GPHN: variants seen among roughly 807,000 people sequenced by gnomAD.
GPHN encodes the protein gephyrin.
In GPHN, 17 loss-of-function variants were observed where a neutral mutation model predicts 95.5. That is an observed-to-expected ratio of 0.18 (90% CI 0.12 to 0.27). The LOEUF (loss-of-function observed/expected upper bound fraction) is 0.27. GPHN is among the 10% of genes least tolerant of loss of function. GPHN has a pLI of 1.00. For synonymous variants in GPHN, 320 were observed against 322.5 expected, an observed-to-expected ratio of 0.99 and a Z score of 0.08; for missense variants, 660 against 978.1, an observed-to-expected ratio of 0.67 and a Z score of 4.34.
the GPHN span, among the ~76,000 whole-genome samples, chr14:67,527,133 G>C: frequency 6.6e-6 from 1 of 152,164 alleles, no homozygotes; most frequent in South Asian, 2.1e-4. Flanking sequence ...GCCCCGCAAG[G>C]GAACCCACAC....
At chr14:66,742,509 G>T (rs2072877143) in intron 2 of GPHN, among the ~76,000 whole-genome samples, 1 of 151,988 alleles carries the variant, frequency 6.6e-6, no homozygotes, top group African/African-American at 2.4e-5. Flanking sequence ...TTATTGTGTT[G>T]ATTTTTTTCA....
intron 21 of GPHN, among the ~76,000 whole-genome samples, chr14:67,171,742 G>A (rs1345589703): frequency 6.6e-6 from 1 of 152,098 alleles, no homozygotes; most frequent in African/African-American, 2.4e-5. Flanking sequence ...TGTATCCGTG[G>A]AGTAACAGAA....
Position 66,760,974 on chromosome 14 carries a change from G to A in GPHN, c.144-15490G>A, listed in dbSNP as rs181273044. The A allele has an allele frequency of 2.1e-5, 13 of 627,828 alleles. No homozygotes were observed. In the East Asian group the frequency reaches 5.1e-4, roughly 24 times the overall value. 38.9% of individuals were successfully genotyped at this position (627,828 alleles called of 1,614,324 possible). A position where few individuals can be genotyped will look rare whatever the true frequency, so the allele number is the denominator to read the frequency against. On this transcript the variant is annotated intron_variant, in intron 2 of 22. Transcript: ENST00000478722. Reference sequence around the variant, plus strand: ...AGGGAAGCAGTTGGAAGAGAAAATGGTATAGCAGTTACCAGAGGATGTGGA... The same window carrying A: ...AGGGAAGCAGTTGGAAGAGAAAATGATATAGCAGTTACCAGAGGATGTGGA...
At chr14:66,803,446 T>C (rs944257048) in intron 3 of GPHN, among the ~76,000 whole-genome samples, 33 of 152,172 alleles carry the variant, frequency 2.2e-4, no homozygotes, top group Non-Finnish European at 5.9e-5. Context: ...AGTTGTTAAA[T>C]TGGTGTACTT....
chr14:67,094,640 T>C (rs1230123965), intron 12 of GPHN, among the ~76,000 whole-genome samples: 2 of 152,266 alleles, frequency 1.3e-5, no homozygotes, highest in East Asian at 1.9e-4. Flanking sequence ...AGAATTCATC[T>C]TGAAAAACTG....
chr14:67,700,364 C>T, the GPHN span, among the ~76,000 whole-genome samples: 1 of 151,946 alleles, frequency 6.6e-6, no homozygotes, highest in African/African-American at 2.4e-5. Flanking sequence ...GGTTTTGTTC[C>T]AGAGCTTTAA....
the GPHN span, chr14:67,645,853 G>A: frequency 5.6e-6 from 9 of 1,597,462 alleles, no homozygotes; most frequent in Middle Eastern, 6.7e-4. Flanking sequence ...GGGTTTTGCT[G>A]GAGTTGGTCT....
At chr14:67,531,524 G>A in the GPHN span, among the ~76,000 whole-genome samples, 1 of 151,928 alleles carries the variant, frequency 6.6e-6, no homozygotes, top group Non-Finnish European at 1.5e-5. Flanking sequence ...AGTCTCTTCT[G>A]CCCTCTACAG....
chr14:66,641,806 G>A (rs576716616), intron 1 of GPHN, among the ~76,000 whole-genome samples: 46 of 152,122 alleles, frequency 3.0e-4, no homozygotes, highest in African/African-American at 9.4e-4. Context: ...GCCAAATAGG[G>A]GATATAGATC....
chr14:66,557,157 A>C (rs1447614436), intron 1 of GPHN, among the ~76,000 whole-genome samples: 2 of 152,156 alleles, frequency 1.3e-5, no homozygotes, highest in Admixed American at 1.3e-4. Flanking sequence ...TAGTAAGCTA[A>C]GATATGGCCA....
the GPHN span, among the ~76,000 whole-genome samples, chr14:67,490,770 T>C: frequency 1.1e-4 from 16 of 152,172 alleles, no homozygotes; most frequent in South Asian, 3.3e-3. Context: ...CTACCTCTGT[T>C]TTTTTACCCC....
chr14:67,262,863 C>G, the GPHN span, among the ~76,000 whole-genome samples: 6 of 152,138 alleles, frequency 3.9e-5, no homozygotes, highest in African/African-American at 1.4e-4. Flanking sequence ...CCATATACAG[C>G]AAAGCCATAT....
chr14:66,677,657 C>G (rs1436239514), intron 1 of GPHN, among the ~76,000 whole-genome samples: 1 of 150,072 alleles, frequency 6.7e-6, no homozygotes, highest in African/African-American at 2.5e-5. Flanking sequence ...TGATATAATA[C>G]TGATTTTTGA....
At chr14:67,642,093 G>C in the GPHN span, 1 of 1,209,256 alleles carries the variant, frequency 8.3e-7, no homozygotes, top group South Asian at 1.4e-5. Context: ...ATTATGATGT[G>C]TACTTTGTCA....
At chr14:67,179,757 C>T (rs890849074) in intron 22 of GPHN, 83 bp downstream of exon 22, 3 of 799,780 alleles carry the variant, frequency 3.8e-6, no homozygotes, top group Non-Finnish European at 6.6e-6. Flanking sequence ...TTGGTTATGA[C>T]TGATTTTGTA....
intron 2 of GPHN, among the ~76,000 whole-genome samples, chr14:66,775,817 C>G (rs1289864665): frequency 6.6e-6 from 1 of 152,166 alleles, no homozygotes; most frequent in African/African-American, 2.4e-5. Context: ...ATCACTGTCT[C>G]AAGGCAAAGA....
chr14:67,214,981 G>A, the GPHN span, among the ~76,000 whole-genome samples: 307 of 152,224 alleles, frequency 2.0e-3, no homozygotes, highest in African/African-American at 6.9e-3. Flanking sequence ...TGTTATTGGT[G>A]TATAAGAATG....
At chr14:67,329,867 TAAA>T in the GPHN span, among the ~76,000 whole-genome samples, 20 of 150,386 alleles carry the variant, frequency 1.3e-4, no homozygotes, top group East Asian at 9.7e-4. Context: ...AATAAATAAA[TAAA>T]TAAATAAATA....
chr14:66,999,127 T>C (rs2072038530), intron 9 of GPHN, among the ~76,000 whole-genome samples: 1 of 151,934 alleles, frequency 6.6e-6, no homozygotes, highest in Admixed American at 6.6e-5. Flanking sequence ...TACCATGCTT[T>C]CTCCTGTTAA....
Sources: gnomAD v4.1 joint callset for allele counts (sites outside exome capture counted in the v4.1 genomes callset) on GRCh38, gnomAD v4.1.1 for gene constraint, MANE v1.5 for transcripts, NCBI Gene and HGNC (gene_info 2026-07-23, HGNC 2026-07-21) for gene names.